GALK2: variants seen among roughly 807,000 people sequenced by gnomAD.
GALK2 encodes galactokinase 2, also known as N-acetylgalactosamine kinase.
In GALK2, 36 loss-of-function variants were observed where a neutral mutation model predicts 52.4. That is an observed-to-expected ratio of 0.69 (90% CI 0.53 to 0.91). The LOEUF is 0.91. GALK2 is among the 40% of genes least tolerant of loss of function. The pLI is 0.00. For missense variants in GALK2, 579 were observed against 559.1 expected, an observed-to-expected ratio of 1.04 and a Z score of -0.36; for synonymous variants, 176 against 199.1, an observed-to-expected ratio of 0.88 and a Z score of 0.98.
intron 9 of GALK2, among the ~76,000 whole-genome samples, chr15:49,326,435 A>G (rs1374224124): frequency 6.6e-6 from 1 of 151,956 alleles, no homozygotes; most frequent in Admixed American, 6.6e-5. Context: ...TATTTTTAGT[A>G]GAGACGGGGT....
At chr15:49,288,422 G>A (rs2033605180) in intron 7 of GALK2, among the ~76,000 whole-genome samples, 1 of 152,094 alleles carries the variant, frequency 6.6e-6, no homozygotes, top group African/African-American at 2.4e-5. Context: ...TCTGGTCAGG[G>A]GCCATCAGTC....
At chr15:49,249,986 C>G (rs1401865861) in intron 5 of GALK2, among the ~76,000 whole-genome samples, 6 of 152,114 alleles carry the variant, frequency 3.9e-5, no homozygotes, top group African/African-American at 7.2e-5. Context: ...GGGACAAATA[C>G]AGAATGTGAG....
At chr15:49,338,533 A>G (rs933379294) in intron 3 of GALK2, among the ~76,000 whole-genome samples, 1 of 152,122 alleles carries the variant, frequency 6.6e-6, no homozygotes, top group Non-Finnish European at 1.5e-5. Flanking sequence ...GGGTAACCCA[A>G]CCTTTCTCTC....
At chr15:49,171,442 A>T (rs2085089249) in intron 1 of GALK2, among the ~76,000 whole-genome samples, 1 of 152,032 alleles carries the variant, frequency 6.6e-6, no homozygotes, top group African/African-American at 2.4e-5. Flanking sequence ...TCAAGTCCTT[A>T]AGCTCTTCCT....
At chr15:49,177,102 T>A (rs1199606172) in intron 1 of GALK2, among the ~76,000 whole-genome samples, 1 of 151,984 alleles carries the variant, frequency 6.6e-6, no homozygotes, top group Non-Finnish European at 1.5e-5. Context: ...GTATTGATTA[T>A]GTTTAATGAC....
chr15:49,168,144 A>G (rs1298932027), upstream of GALK2, among the ~76,000 whole-genome samples: 1 of 152,176 alleles, frequency 6.6e-6, no homozygotes, highest in Non-Finnish European at 1.5e-5. Context: ...ATTGCTCTGT[A>G]AGGTGCTTTC....
chr15:49,305,469 C>T (rs941751527), intron 8 of GALK2, among the ~76,000 whole-genome samples: 27 of 152,280 alleles, frequency 1.8e-4, no homozygotes, highest in African/African-American at 6.5e-4. Context: ...CAAAGATTAA[C>T]ACCCTTAGTC....
intron 3 of GALK2, among the ~76,000 whole-genome samples, chr15:49,223,999 A>G (rs1054677408): frequency 3.3e-5 from 5 of 151,632 alleles, no homozygotes; most frequent in Admixed American, 2.6e-4. Context: ...ACTAATTTAC[A>G]CTCCCACCAA....
chr15:49,366,571 G>T, intron 3 of GALK2: 1 of 1,597,134 alleles, frequency 6.3e-7, no homozygotes, highest in Non-Finnish European at 8.6e-7. Flanking sequence ...AGTAGTCCTT[G>T]GATGTGCCAT....
chr15:49,337,477 A>G (rs2039925458), intron 3 of GALK2, among the ~76,000 whole-genome samples: 2 of 43,094 alleles, frequency 4.6e-5, no homozygotes, highest in South Asian at 1.5e-3. Flanking sequence ...TTTGTTGGAC[A>G]CTTGCAATGT....
At chr15:49,260,860 A>G (rs2092071050) in intron 5 of GALK2, among the ~76,000 whole-genome samples, 1 of 152,194 alleles carries the variant, frequency 6.6e-6, no homozygotes, top group Non-Finnish European at 1.5e-5. Context: ...CAGGTTTGTC[A>G]AATATCAGAT....
chr15:49,181,601 T>C (rs1215999366), intron 1 of GALK2, among the ~76,000 whole-genome samples: 2 of 146,332 alleles, frequency 1.4e-5, no homozygotes, highest in Non-Finnish European at 3.0e-5. Flanking sequence ...AGCCTCCACC[T>C]CCTGGGTTCA....
intron 8 of GALK2, among the ~76,000 whole-genome samples, chr15:49,304,012 C>G (rs1490875312): frequency 6.6e-6 from 1 of 152,140 alleles, no homozygotes; most frequent in African/African-American, 2.4e-5. Context: ...TTATTAGATA[C>G]TATGTTTTGA....
intron 3 of GALK2, among the ~76,000 whole-genome samples, chr15:49,341,063 C>A (rs1420311617): frequency 1.3e-5 from 2 of 152,110 alleles, no homozygotes; most frequent in Non-Finnish European, 1.5e-5. Context: ...TTTTGGAGAT[C>A]ACATAGTTAT....
intron 3 of GALK2, among the ~76,000 whole-genome samples, chr15:49,347,701 C>A (rs528806304): frequency 6.6e-6 from 1 of 152,160 alleles, no homozygotes; most frequent in East Asian, 1.9e-4. Context: ...GTATTGATAA[C>A]CTTCAATGAA....
At chr15:49,367,715 T>A in exon 4 of GALK2, 1 of 1,067,742 alleles carries the variant, frequency 9.4e-7, no homozygotes, top group Non-Finnish European at 1.3e-6. Flanking sequence ...TTTGATATAT[T>A]AAAATAAAGG....
At chr15:49,174,420 A>G (rs1265700525) in intron 1 of GALK2, among the ~76,000 whole-genome samples, 4 of 152,186 alleles carry the variant, frequency 2.6e-5, no homozygotes, top group African/African-American at 9.7e-5. Context: ...AACTCGGCTC[A>G]CCACAACCAC....
chr15:49,244,219 G>A (rs1192433507), intron 5 of GALK2, among the ~76,000 whole-genome samples: 2 of 151,870 alleles, frequency 1.3e-5, no homozygotes, highest in Non-Finnish European at 2.9e-5. Flanking sequence ...TGGGATTATA[G>A]GTGTGAGCCA....
intron 8 of GALK2, among the ~76,000 whole-genome samples, chr15:49,299,722 C>CTTTT (rs1158876520): frequency 2.3e-4 from 11 of 48,612 alleles, no homozygotes; most frequent in Admixed American, 9.3e-4. Context: ...TTCTTTCTTT[C>CTTTT]TTTCTTTCTT....
Sources: gnomAD v4.1 joint callset for allele counts (sites outside exome capture counted in the v4.1 genomes callset) on GRCh38, gnomAD v4.1.1 for gene constraint, MANE v1.5 for transcripts, NCBI Gene and HGNC (gene_info 2026-07-23, HGNC 2026-07-21) for gene names.